EBF1: variants seen among roughly 807,000 people sequenced by gnomAD.
EBF1 encodes EBF transcription factor 1.
Under a neutral mutation model 68.4 loss-of-function variants are expected in EBF1, and 10 were observed. The observed-to-expected ratio is 0.15, with a 90% CI of 0.09 to 0.25. The LOEUF is 0.25. Among genes scored for constraint, EBF1 ranks in the 10% least tolerant of loss-of-function variants. EBF1 has a pLI of 1.00. For synonymous variants in EBF1, 298 were observed against 299.8 expected (o/e 0.99, Z 0.06); for missense variants, 509 against 794.4 (o/e 0.64, Z 4.32).
chr5:158,980,586 C>T (rs1331646601), intron 6 of EBF1, among the ~76,000 whole-genome samples: 13 of 152,124 alleles, frequency 8.5e-5, no homozygotes, highest in Non-Finnish European at 1.6e-4. Context: ...AAATATCAAC[C>T]CCCCGCAAGC....
chr5:159,075,689 A>G (rs192358358), intron 5 of EBF1, among the ~76,000 whole-genome samples: 10 of 152,270 alleles, frequency 6.6e-5, no homozygotes, highest in South Asian at 6.2e-4. Flanking sequence ...TCCAAATGTC[A>G]GTGGTACTGT....
rs546202911 is a variant in EBF1, at chr5:158,711,044, T to C, written c.1549+1110A>G. On this transcript the variant is annotated intron_variant, in intron 14 of 15. Coordinates refer to ENST00000313708, the MANE Select transcript of EBF1 (RefSeq NM_024007.5). ...CAATATAAATGTACCAAAATGTTTT[T>C]GTAGGCAAACTTCTTTAAGGCAGAG... Among the ~76,000 whole-genome samples, 28 of 152,348 alleles carry C rather than the reference T, an allele frequency of 1.8e-4. 1 individual carries two copies. In the South Asian group the frequency reaches 4.8e-3, roughly 26 times the overall value.
intron 6 of EBF1, among the ~76,000 whole-genome samples, chr5:158,849,704 G>T (rs1400655695): frequency 1.3e-5 from 2 of 152,140 alleles, no homozygotes; most frequent in Non-Finnish European, 2.9e-5. Flanking sequence ...AATATTAATG[G>T]CAGTTAGCTT....
chr5:158,969,921 A>AAGAAAG, intron 6 of EBF1, among the ~76,000 whole-genome samples: 3 of 73,642 alleles, frequency 4.1e-5, no homozygotes, highest in African/African-American at 8.5e-5. Context: ...AGAAAGAAAA[A>AAGAAAG]AAAAAAAAAG....
intron 6 of EBF1, among the ~76,000 whole-genome samples, chr5:159,049,984 C>G (rs529004596): frequency 1.3e-5 from 2 of 152,106 alleles, no homozygotes; most frequent in East Asian, 3.9e-4. Context: ...GAAAATGAAG[C>G]ACTAAATAAG....
chr5:158,839,226 GCTT>G (rs1428358736), intron 7 of EBF1, among the ~76,000 whole-genome samples: 1 of 152,178 alleles, frequency 6.6e-6, no homozygotes, highest in African/African-American at 2.4e-5. Flanking sequence ...GAGATGTTAT[GCTT>G]CTTAACAGGG....
At chr5:158,863,631 T>A (rs941281257) in intron 6 of EBF1, among the ~76,000 whole-genome samples, 1 of 152,170 alleles carries the variant, frequency 6.6e-6, no homozygotes, top group African/African-American at 2.4e-5. Context: ...CAGAGTATCA[T>A]GGCTTATTAT....
At chr5:158,898,575 G>T (rs72812383) in intron 6 of EBF1, among the ~76,000 whole-genome samples, 49 of 152,312 alleles carry the variant, frequency 3.2e-4, no homozygotes, top group Non-Finnish European at 6.3e-4. Flanking sequence ...TTGTTAGCCT[G>T]AGAAATATAG....
intron 11 of EBF1, among the ~76,000 whole-genome samples, chr5:158,729,190 C>T (rs1006670775): frequency 6.6e-6 from 1 of 152,208 alleles, no homozygotes; most frequent in African/African-American, 2.4e-5. Context: ...GCACCATCCA[C>T]ATTTAGTGGA....
At chr5:158,911,669 A>G (rs1307609408) in intron 6 of EBF1, among the ~76,000 whole-genome samples, 1 of 152,068 alleles carries the variant, frequency 6.6e-6, no homozygotes, top group Non-Finnish European at 1.5e-5. Context: ...TAAAAGCCTT[A>G]CTCACCCCAT....
At chr5:158,740,408 G>A (rs941592816) in intron 10 of EBF1, among the ~76,000 whole-genome samples, 2 of 152,132 alleles carry the variant, frequency 1.3e-5, no homozygotes, top group Non-Finnish European at 2.9e-5. Context: ...CAAACCAGTG[G>A]ACAGGTTTCA....
intron 6 of EBF1, among the ~76,000 whole-genome samples, chr5:158,841,095 G>C (rs1790265209): frequency 1.3e-5 from 2 of 152,166 alleles, no homozygotes; most frequent in African/African-American, 4.8e-5. Context: ...GGTTTTACTT[G>C]CTAAGGTGAC....
Position 158,882,711 on chromosome 5 carries a change from G to A in EBF1, c.555-42601C>T, listed in dbSNP as rs540648747. 8.5e-5 allele frequency among the ~76,000 whole-genome samples: 13 copies of A among 152,332 alleles called. No homozygotes were observed. The East Asian group carries it at 2.5e-3, about 29-fold the overall frequency. On this transcript the variant is annotated intron_variant, in intron 6 of 15. Coordinates refer to ENST00000313708, the MANE Select transcript of EBF1 (RefSeq NM_024007.5). ...GTAATTCCAAGATGCAAGTGATTTG[G>A]GACTGGAAAGATGGTAGTCTTTTAA...
At chr5:158,761,568 A>G (rs1416643508) in intron 10 of EBF1, among the ~76,000 whole-genome samples, 3 of 152,188 alleles carry the variant, frequency 2.0e-5, no homozygotes, top group Non-Finnish European at 4.4e-5. Flanking sequence ...TTTTCACTAT[A>G]TCCATCTGAG....
chr5:158,877,699 C>T (rs113407639), intron 6 of EBF1, among the ~76,000 whole-genome samples: 1,314 of 113,816 alleles, frequency 0.012, 19 homozygotes, highest in African/African-American at 0.033. Flanking sequence ...ATACTACAAA[C>T]GCACACACAC....
intron 6 of EBF1, among the ~76,000 whole-genome samples, chr5:158,948,759 G>A (rs759358973): frequency 7.9e-5 from 12 of 152,128 alleles, no homozygotes; most frequent in Non-Finnish European, 1.0e-4. Context: ...TGGCATTCTC[G>A]TCTTCATGGA....
At position 159,080,436 on chromosome 5, in the gene EBF1, G is replaced by T. The variant is rs1431262139; in HGVS notation, c.485+4230C>A. 2.0e-5 allele frequency among the ~76,000 whole-genome samples: 3 copies of T among 152,166 alleles called. No homozygotes were observed. The East Asian group carries it at 5.8e-4, about 29-fold the overall frequency. ...AAGTCTTCCCTGGCTCTCCGTTTTT[G>T]AGTGTTTTGCACATAGTAGGTGCTA... On this transcript the variant is annotated intron_variant, in intron 5 of 15. Coordinates refer to ENST00000313708, the MANE Select transcript of EBF1 (RefSeq NM_024007.5).
At chr5:158,867,115 T>G (rs577155084) in intron 6 of EBF1, among the ~76,000 whole-genome samples, 39 of 152,120 alleles carry the variant, frequency 2.6e-4, no homozygotes, top group African/African-American at 8.7e-4. Context: ...ATTTCAAATT[T>G]GTTGTAAGTT....
chr5:158,722,860 G>C (rs947196894), intron 11 of EBF1, among the ~76,000 whole-genome samples: 1 of 152,154 alleles, frequency 6.6e-6, no homozygotes, highest in African/African-American at 2.4e-5. Flanking sequence ...ATTCCTAAGG[G>C]CTTCAGTCTT....
Sources: allele counts gnomAD v4.1 joint callset (sites outside exome capture counted in the v4.1 genomes callset), GRCh38; gene constraint gnomAD v4.1.1; transcripts MANE v1.5; gene names NCBI Gene and HGNC (gene_info 2026-07-23, HGNC 2026-07-21).